The following TRPV1 variants were observed in gnomAD, a reference collection of about 807,000 sequenced individuals.
TRPV1 encodes OTRPC1.
TRPV1 carries 82 observed loss-of-function variants against 82.3 expected under a neutral mutation model. That is an observed-to-expected ratio of 1.00 (90% CI 0.83 to 1.20). The LOEUF (loss-of-function observed/expected upper bound fraction) is 1.20, where lower values mean the gene tolerates loss of function less well. TRPV1 is among the 50% of genes most tolerant of loss of function. TRPV1 has a pLI of 0.00. For missense variants in TRPV1, 1,067 were observed against 1,096.8 expected (o/e 0.97, Z 0.38); for synonymous variants, 515 against 467.7 (o/e 1.10, Z -1.30).
At position 3,589,960 on chromosome 17, in the gene TRPV1, G is replaced by T. The variant is rs1457146201; in HGVS notation, c.891C>A (p.Asp297Glu). 6.4e-7 allele frequency: 1 copy of T among 1,564,396 alleles called. No homozygotes were observed. The highest frequency in any genetic ancestry group is 1.9e-5 in the Admixed American group (1 of 51,890). ...TVLHALVEVA[D>E]NTADNTKFVT... ...CAAACTTCGTGTTGTCGGCCGTGTT[G>T]TCGGCCACCTCCACCAGGGCGTGCA... Residue 297 changes from aspartate (D) to glutamate (E), a missense_variant, in exon 7 of 17, where the codon GAC becomes GAA. By Grantham distance (45) the Asp-to-Glu change is conservative. Coordinates refer to ENST00000572705, the MANE Select transcript of TRPV1 (RefSeq NM_080704.4).
At chr17:3,584,133 G>GGTA (rs2075054043) in intron 9 of TRPV1, among the ~76,000 whole-genome samples, 2 of 151,978 alleles carry the variant, frequency 1.3e-5, no homozygotes, top group African/African-American at 4.8e-5. Context: ...AGCCAGGCGT[G>GGTA]GTAGCTCATG....
chr17:3,583,196 A>T (rs2075043212), intron 10 of TRPV1, 142 bp downstream of exon 10: 2 of 759,146 alleles, frequency 2.6e-6, no homozygotes, highest in Non-Finnish European at 4.2e-6. Flanking sequence ...AAGGGCTCTC[A>T]TCTTCACCTC....
At chr17:3,588,128 G>C in intron 8 of TRPV1, 60 bp downstream of exon 8, 1 of 1,518,724 alleles carries the variant, frequency 6.6e-7, no homozygotes, top group East Asian at 2.5e-5. Flanking sequence ...CCAGGGGCTG[G>C]GATTGGGGCT....
chr17:3,591,152 G>T, intron 4 of TRPV1, 35 bp downstream of exon 4: 1 of 1,609,638 alleles, frequency 6.2e-7, no homozygotes, highest in Non-Finnish European at 8.5e-7. Context: ...GCAGGCCAGG[G>T]CTGGGGCCCT....
In TRPV1 at chr17:3,566,905, G is replaced by T; in HGVS notation, c.2430C>A (p.Pro810=). 1.9e-6 allele frequency: 3 copies of T among 1,613,946 alleles called. No homozygotes were observed. The highest frequency in any genetic ancestry group is 2.5e-6 in the Non-Finnish European group (3 of 1,179,892). Residue 810 remains proline (P), a synonymous_variant, in exon 17 of 17, where the codon CCC becomes CCA. Transcript: ENST00000572705. ...AAAACTGTCGCAGATAAACTTCCTC[G>T]GGCTGAGCAGACTGCCTATCTCGAG... The part of the protein sequence containing the change: ...ASARDRQSAQ[P]EEVYLRQFSG...
At chr17:3,574,501 C>T (rs574508635) in intron 13 of TRPV1, among the ~76,000 whole-genome samples, 1 of 152,320 alleles carries the variant, frequency 6.6e-6, no homozygotes, top group Non-Finnish European at 1.5e-5. Context: ...GTGCCAGAGC[C>T]CACACCTATT....
chr17:3,570,799 C>T (rs917125637), intron 16 of TRPV1, among the ~76,000 whole-genome samples: 5 of 152,054 alleles, frequency 3.3e-5, no homozygotes, highest in South Asian at 2.1e-4. Flanking sequence ...CTGCAACCTC[C>T]GCCTCCCAGG....
At chr17:3,586,491 G>A (rs1418581576) in intron 8 of TRPV1, among the ~76,000 whole-genome samples, 1 of 152,238 alleles carries the variant, frequency 6.6e-6, no homozygotes, top group Non-Finnish European at 1.5e-5. Context: ...GTTCAAATAG[G>A]CCGGGTGTAG....
At chr17:3,573,417 C>G (rs974286285) in intron 14 of TRPV1, among the ~76,000 whole-genome samples, 5 of 152,182 alleles carry the variant, frequency 3.3e-5, no homozygotes, top group Non-Finnish European at 5.9e-5. Context: ...GGTGCTGAGG[C>G]TGGATCCCCG....
rs1158591652 is a variant in TRPV1 at position 3,573,829 on chromosome 17, A to C, written c.1907T>G (p.Leu636Arg). Residue 636 changes from leucine (L) to arginine (R), a missense_variant, in exon 14 of 17, where the codon CTG becomes CGG. Transcript: ENST00000572705. The part of the protein sequence containing the change: ...SSYNSLYSTC[L>R]ELFKFTIGMG... Reference sequence around the variant, plus strand: ...GCCGATGGTGAACTTGAACAGCTCCAGGCAGGTGGAGTACAGGCTGTTGTA... The same window carrying C: ...GCCGATGGTGAACTTGAACAGCTCCCGGCAGGTGGAGTACAGGCTGTTGTA... 6.2e-7 allele frequency: 1 copy of C among 1,613,312 alleles called. No homozygotes were observed.
chr17:3,567,203 CAA>C (rs1377863255), intron 16 of TRPV1, among the ~76,000 whole-genome samples: 10 of 105,128 alleles, frequency 9.5e-5, no homozygotes, highest in Admixed American at 2.0e-4. Context: ...ACTAAAAATA[CAA>C]AAAAAAAAAA....
At position 3,573,625 on chromosome 17, in the gene TRPV1, C is replaced by G; in HGVS notation, c.2103+8G>C. On this transcript the variant is annotated splice_region_variant and intron_variant, in intron 14 of 16. Transcript: ENST00000572705. ...GCCACTCACCACCCCCCAACTCCACCCACCCACCTGCAGCTTCCAGATGTT... is the reference window on the plus strand; with the variant it reads ...GCCACTCACCACCCCCCAACTCCACGCACCCACCTGCAGCTTCCAGATGTT... 1 of 1,608,712 alleles carries G rather than the reference C, an allele frequency of 6.2e-7. No homozygotes were observed. The highest frequency in any genetic ancestry group is 8.5e-7 in the Non-Finnish European group (1 of 1,177,816).
Position 3,598,203 on chromosome 17 carries a change from AAGCCGTAG to A in TRPV1, c.-33-5828_-33-5821del, listed in dbSNP as rs531372550. 5.9e-5 allele frequency among the ~76,000 whole-genome samples: 9 copies of A among 152,344 alleles called. No homozygotes were observed. In the South Asian group the frequency reaches 1.2e-3, roughly 21 times the overall value. On this transcript the variant is annotated intron_variant, in intron 2 of 16. Coordinates refer to ENST00000572705, the MANE Select transcript of TRPV1 (RefSeq NM_080704.4). Reference sequence around the variant, plus strand: ...TAGCAGCTGCCTGCGGGACGCCAACAAGCCGTAGGGCAGGTCCAGCCTGGAATAAGCAG... The same window carrying A: ...TAGCAGCTGCCTGCGGGACGCCAACAGGCAGGTCCAGCCTGGAATAAGCAG...
chr17:3,581,962 G>A lies in TRPV1; in HGVS notation c.1476+1376C>T, dbSNP rs890742446. Among the ~76,000 whole-genome samples, 97 of 147,932 alleles carry A rather than the reference G, an allele frequency of 6.6e-4. 1 individual carries two copies. Among genetic ancestry groups the A allele is most frequent in the Non-Finnish European group, 1.1e-3 (75 of 67,168 alleles). On this transcript the variant is annotated intron_variant, in intron 10 of 16. Coordinates refer to ENST00000572705, the MANE Select transcript of TRPV1 (RefSeq NM_080704.4). ...TCCCAGCACTTTGGGAGGCCAAGGT[G>A]GGCGGATCACGAGGTCAGGAGATCG...
intron 2 of TRPV1, 120 bp from the exon 3 acceptor site, chr17:3,592,503 G>T: frequency 1.0e-6 from 1 of 981,890 alleles, no homozygotes; most frequent in Non-Finnish European, 1.5e-6. Flanking sequence ...CCAACTTGCT[G>T]CTGCCCCCAG....
At chr17:3,586,575 C>T (rs2075087572) in intron 8 of TRPV1, among the ~76,000 whole-genome samples, 1 of 152,158 alleles carries the variant, frequency 6.6e-6, no homozygotes, top group East Asian at 1.9e-4. Context: ...AGTTCAAGAC[C>T]AGCTTGGCCA....
chr17:3,591,864 A>T (rs139015365), intron 3 of TRPV1, among the ~76,000 whole-genome samples: 20 of 152,276 alleles, frequency 1.3e-4, no homozygotes, highest in Middle Eastern at 6.8e-3. Context: ...GCGGGCGTGG[A>T]CACCTAGACC....
intron 16 of TRPV1, among the ~76,000 whole-genome samples, chr17:3,567,514 C>T (rs1423361111): frequency 6.6e-6 from 1 of 152,112 alleles, no homozygotes; most frequent in African/African-American, 2.4e-5. Flanking sequence ...TGCACTCTCG[C>T]TGTTCCTTAA....
At chr17:3,602,061 C>A (rs898325573) in intron 2 of TRPV1, 1 of 152,198 alleles carries the variant, frequency 6.6e-6, no homozygotes, top group Non-Finnish European at 1.5e-5. Flanking sequence ...TATGCACTAT[C>A]TCATCAGACC....
Sources: gnomAD v4.1 joint callset for allele counts (sites outside exome capture counted in the v4.1 genomes callset) on GRCh38, gnomAD v4.1.1 for gene constraint, MANE v1.5 for transcripts, NCBI Gene and HGNC (gene_info 2026-07-23, HGNC 2026-07-21) for gene names.